ADGB: variants seen among roughly 807,000 people sequenced by gnomAD.
ADGB encodes androglobin.
In ADGB, 172 loss-of-function variants were observed where a neutral mutation model predicts 210.5. That is an observed-to-expected ratio of 0.82 (90% CI 0.72 to 0.93). The LOEUF is 0.93. Among genes scored for constraint, ADGB ranks in the 40% least tolerant of loss-of-function variants. The pLI, the probability that ADGB is intolerant of heterozygous loss-of-function variation, is 0.00. For missense variants in ADGB, 2,025 were observed against 1,964.8 expected (o/e 1.03, Z -0.58); for synonymous variants, 658 against 662.7 (o/e 0.99, Z 0.11).
intron 13 of ADGB, among the ~76,000 whole-genome samples, chr6:146,709,800 G>C (rs1182352651): frequency 6.6e-6 from 1 of 152,146 alleles, no homozygotes; most frequent in Non-Finnish European, 1.5e-5. Flanking sequence ...CTGGGATTGG[G>C]AGTGATGTGT....
intron 5 of ADGB, 31 bp downstream of exon 5, chr6:146,657,011 A>G: frequency 6.7e-7 from 1 of 1,503,426 alleles, no homozygotes; most frequent in Non-Finnish European, 9.1e-7. Flanking sequence ...ATAAAAACTC[A>G]TGAGTCTTTC....
intron 13 of ADGB, among the ~76,000 whole-genome samples, chr6:146,705,189 A>G (rs915786413): frequency 5.3e-5 from 8 of 152,012 alleles, no homozygotes; most frequent in African/African-American, 1.7e-4. Flanking sequence ...AGGATTTTTA[A>G]TGGGGTTTTA....
chr6:146,743,862 C>T (rs1025574638), intron 25 of ADGB, among the ~76,000 whole-genome samples: 5 of 152,230 alleles, frequency 3.3e-5, no homozygotes, highest in East Asian at 1.9e-4. Flanking sequence ...TGCAGTGAGC[C>T]GTGATCACGC....
At position 146,801,237 on chromosome 6, in the gene ADGB, T is replaced by C; in HGVS notation, c.4592T>C (p.Ile1531Thr). ...ATTTTGGAAACATCTCCACGACTTA[T>C]TCGAAAAGCACTAGAATTTATGGAT... ...PTILETSPRL[I>T]RKALEFMDLS... The change falls in exon 34 of 36, where the codon ATT (isoleucine) becomes ACT (threonine). Residue 1531 changes from isoleucine (I) to threonine (T), a missense_variant. Coordinates refer to ENST00000397944, the MANE Select transcript of ADGB (RefSeq NM_024694.4). 1.3e-6 allele frequency: 2 copies of C among 1,516,148 alleles called. No homozygotes were observed. The highest frequency in any genetic ancestry group is 1.8e-6 in the Non-Finnish European group (2 of 1,130,972). 93.9% of individuals were successfully genotyped at this position (1,516,148 alleles called of 1,614,324 possible).
rs980881762 is a variant in ADGB at position 146,764,082 on chromosome 6, T to C, written c.3732T>C (p.Ser1244=). 1.6e-5 allele frequency: 25 copies of C among 1,548,542 alleles called. No individual in the cohort carries two copies. Among genetic ancestry groups the C allele is most frequent in the Non-Finnish European group, 2.0e-5 (23 of 1,145,536 alleles). The part of the protein sequence containing the change: ...ETTSTPTRED[S]SSTPLQNYKY... Reference sequence around the variant, plus strand: ...CCAGTACACCCACTAGAGAAGACAGTTCCAGCACACCACTGCAGGTATATT... The same window carrying C: ...CCAGTACACCCACTAGAGAAGACAGCTCCAGCACACCACTGCAGGTATATT... The change falls in exon 28 of 36, where the codon AGT becomes AGC. Residue 1244 remains serine, a synonymous_variant. Coordinates refer to ENST00000397944, the MANE Select transcript of ADGB (RefSeq NM_024694.4).
At chr6:146,759,843 A>G (rs1335359295) in intron 27 of ADGB, among the ~76,000 whole-genome samples, 2 of 151,726 alleles carry the variant, frequency 1.3e-5, no homozygotes, top group African/African-American at 4.8e-5. Flanking sequence ...ATATTAATTT[A>G]TGTTTCATTT....
At chr6:146,662,337 T>A (rs1221513918) in intron 5 of ADGB, among the ~76,000 whole-genome samples, 2 of 152,156 alleles carry the variant, frequency 1.3e-5, no homozygotes, top group Non-Finnish European at 2.9e-5. Context: ...ATACTATATT[T>A]TCCTGTTATT....
At position 146,685,799 on chromosome 6, in the gene ADGB, GA is replaced by G; in HGVS notation, c.1286del (p.Asn429ThrfsTer6). On this transcript the variant is annotated frameshift_variant, in exon 10 of 36. Coordinates refer to ENST00000397944, the MANE Select transcript of ADGB (RefSeq NM_024694.4). LOFTEE classifies it high-confidence loss of function. ...YATFTPLYLF[E>X]NKIFSLEKMA... is the part of the protein sequence containing the mutation. ...GACATTTACACCTCTTTATTTGTTTGAAAACAAGATCTTTTCATTAGAGAAG... is the reference window on the plus strand; with the variant it reads ...GACATTTACACCTCTTTATTTGTTTGAAACAAGATCTTTTCATTAGAGAAG... The G allele has an allele frequency of 6.5e-7, 1 of 1,539,478 alleles. No individual in the cohort carries two copies. The highest frequency in any genetic ancestry group is 8.8e-7 in the Non-Finnish European group (1 of 1,141,310).
At chr6:146,807,468 G>A in intron 35 of ADGB, 1 of 1,551,664 alleles carries the variant, frequency 6.4e-7, no homozygotes, top group Non-Finnish European at 8.7e-7. Context: ...CAAATTGCTG[G>A]AAGCTGAGCA....
intron 35 of ADGB, chr6:146,807,420 C>T (rs1157911962): frequency 3.2e-6 from 5 of 1,551,336 alleles, no homozygotes; most frequent in South Asian, 1.2e-5. Flanking sequence ...AGATGAAGCC[C>T]GACAGAAAAT....
chr6:146,716,308 AGGGCCGGGCGCGGTGGC>A (rs1776732227), intron 14 of ADGB, among the ~76,000 whole-genome samples: 2 of 148,140 alleles, frequency 1.4e-5, no homozygotes, highest in Admixed American at 6.6e-5. Context: ...AGAATCTGTG[AGGGCCGGGCGCGGTGGC>A]TCACGCCTGT....
intron 13 of ADGB, among the ~76,000 whole-genome samples, chr6:146,707,390 G>C (rs781154087): frequency 6.6e-6 from 1 of 152,004 alleles, no homozygotes; most frequent in South Asian, 2.1e-4. Context: ...GTTTTCTTTT[G>C]ATTTTTTGTC....
At chr6:146,708,151 T>C (rs1386630560) in intron 13 of ADGB, among the ~76,000 whole-genome samples, 1 of 152,096 alleles carries the variant, frequency 6.6e-6, no homozygotes, top group Non-Finnish European at 1.5e-5. Context: ...CAATCTCTTA[T>C]ATTGTATATC....
In ADGB at chr6:146,672,323, T is replaced by G. The variant is rs183763237; in HGVS notation, c.943T>G (p.Ser315Ala). The change falls in exon 8 of 36, where the codon TCT becomes GCT. Residue 315 changes from serine to alanine, a missense_variant. By Grantham distance (99) the Ser-to-Ala change is moderately conservative. Coordinates refer to ENST00000397944, the MANE Select transcript of ADGB (RefSeq NM_024694.4). ...SSESKIAVLD[S>A]KLKEPGKEGK... is the part of the protein sequence containing the mutation. ...TGAAAGCAAAATAGCAGTGTTAGAT[T>G]CTAAATTAAAAGAACCAGGGAAAGA... The G allele has an allele frequency of 1.3e-6, 2 of 1,551,234 alleles. No homozygotes were observed. Among genetic ancestry groups the G allele is most frequent in the African/African-American group, 2.7e-5 (2 of 73,070 alleles).
chr6:146,713,875 A>G (rs572600530), intron 13 of ADGB, among the ~76,000 whole-genome samples: 14 of 152,036 alleles, frequency 9.2e-5, no homozygotes, highest in African/African-American at 2.9e-4. Context: ...GGAGTTTTGT[A>G]GTTTGTCTCT....
intron 35 of ADGB, among the ~76,000 whole-genome samples, chr6:146,812,370 TA>T (rs1778315761): frequency 6.6e-6 from 1 of 152,212 alleles, no homozygotes; most frequent in South Asian, 2.1e-4. Flanking sequence ...AAAAAATACA[TA>T]AAACACGAGT....
chr6:146,696,015 G>T (rs1038096801), intron 12 of ADGB, among the ~76,000 whole-genome samples: 1 of 151,642 alleles, frequency 6.6e-6, no homozygotes, highest in African/African-American at 2.4e-5. Context: ...ACTAAAATTT[G>T]TGTCATTGCA....
chr6:146,692,641 G>A lies in ADGB; in HGVS notation c.1487-184G>A, dbSNP rs73788796. On this transcript the variant is annotated intron_variant, in intron 11 of 35. Transcript: ENST00000397944. ...GAGTAGACAAAAGAAATTGAATACCGTAAAGATCTATAAACTCTTTCAATA... is the reference window on the plus strand; with the variant it reads ...GAGTAGACAAAAGAAATTGAATACCATAAAGATCTATAAACTCTTTCAATA... 7.4e-3 allele frequency among the ~76,000 whole-genome samples: 1,119 copies of A among 152,214 alleles called. 11 individuals carry two copies. The highest frequency in any genetic ancestry group is 0.026 in the African/African-American group (1,072 of 41,550).
intron 33 of ADGB, among the ~76,000 whole-genome samples, chr6:146,798,557 A>G (rs1778078327): frequency 6.6e-6 from 1 of 152,120 alleles, no homozygotes; most frequent in East Asian, 1.9e-4. Context: ...CCACATTTTA[A>G]TGGAGGTTCT....
Sources: allele counts gnomAD v4.1 joint callset (sites outside exome capture counted in the v4.1 genomes callset), GRCh38; gene constraint gnomAD v4.1.1; transcripts MANE v1.5; gene names NCBI Gene and HGNC (gene_info 2026-07-23, HGNC 2026-07-21).